The following MAGI2 variants were observed in gnomAD, a reference collection of about 807,000 sequenced individuals.
The protein encoded by MAGI2 is membrane associated guanylate kinase, WW and PDZ domain containing 2, also known as membrane-associated guanylate kinase, WW and PDZ domain-containing protein 2.
In MAGI2, 35 loss-of-function variants were observed where a neutral mutation model predicts 133.3. That is an observed-to-expected ratio of 0.26 (90% CI 0.20 to 0.35). The LOEUF (loss-of-function observed/expected upper bound fraction) is 0.35, where lower values mean the gene tolerates loss of function less well. MAGI2 is among the 10% of genes least tolerant of loss of function. The pLI, the probability that MAGI2 is intolerant of heterozygous loss-of-function variation, is 1.00. For synonymous variants in MAGI2, 729 were observed against 710.6 expected, an observed-to-expected ratio of 1.03 and a Z score of -0.41; for missense variants, 1,636 against 1,863.4, an observed-to-expected ratio of 0.88 and a Z score of 2.25.
intron 1 of MAGI2, among the ~76,000 whole-genome samples, chr7:79,340,103 A>G (rs1840778212): frequency 6.6e-6 from 1 of 151,960 alleles, no homozygotes. Context: ...ATATTTTCAA[A>G]TATTTGTTCT....
intron 2 of MAGI2, among the ~76,000 whole-genome samples, chr7:78,888,331 G>C (rs1227365260): frequency 6.6e-6 from 1 of 152,216 alleles, no homozygotes; most frequent in African/African-American, 2.4e-5. Context: ...AAAGGCAGCA[G>C]AAACCTCTGC....
At chr7:79,119,170 T>G (rs1819664123) in intron 1 of MAGI2, among the ~76,000 whole-genome samples, 1 of 152,184 alleles carries the variant, frequency 6.6e-6, no homozygotes, top group African/African-American at 2.4e-5. Context: ...TCTGTCTGGT[T>G]CACATAATAA....
At chr7:79,413,364 C>A (rs2129172924) in intron 1 of MAGI2, 1 of 152,172 alleles carries the variant, frequency 6.6e-6, no homozygotes, top group South Asian at 2.1e-4. Flanking sequence ...AAGTCCTGCC[C>A]ACTCATATAA....
intron 1 of MAGI2, among the ~76,000 whole-genome samples, chr7:79,168,907 TATATATATATATATATATATATATATA>T (rs1562958596): frequency 0.022 from 223 of 10,206 alleles, 1 homozygote; most frequent in African/African-American, 0.033. Flanking sequence ...TATATATATA[TATATATATATATATATATATATATATA>T]AATTTTTTTT....
intron 2 of MAGI2, among the ~76,000 whole-genome samples, chr7:78,649,236 G>GAAAAAAAGAA (rs1811261346): frequency 1.1e-5 from 1 of 88,188 alleles, no homozygotes; most frequent in Admixed American, 1.3e-4. Context: ...AAAAAAAAAA[G>GAAAAAAAGAA]AAAAAAAAAG....
chr7:78,490,098 A>G, intron 5 of MAGI2: 1 of 453,984 alleles, frequency 2.2e-6, no homozygotes, highest in Non-Finnish European at 3.9e-6. Flanking sequence ...AACCTCATTG[A>G]AAATGCAGAA....
chr7:79,303,818 G>A (rs767619304), intron 1 of MAGI2, among the ~76,000 whole-genome samples: 1 of 152,122 alleles, frequency 6.6e-6, no homozygotes, highest in Non-Finnish European at 1.5e-5. Flanking sequence ...AATTAGGAAC[G>A]ACATTAAGGT....
At position 78,382,686 on chromosome 7, in the gene MAGI2, C is replaced by T. The variant is rs184370535; in HGVS notation, c.1046-13473G>A. On this transcript the variant is annotated intron_variant, in intron 6 of 21. Coordinates refer to ENST00000354212, the MANE Select transcript of MAGI2 (RefSeq NM_012301.4). The stretch of plus-strand genomic sequence containing the variant: ...TTTAAGTACAGTCGCCGTACTCTAT[C>T]GAACACTGAATTTATTCCTTCTATC... 5.3e-5 allele frequency among the ~76,000 whole-genome samples: 8 copies of T among 152,148 alleles called. No homozygotes were observed. The East Asian group carries it at 9.7e-4, about 18-fold the overall frequency.
At chr7:79,055,379 C>A (rs147657946) in intron 1 of MAGI2, among the ~76,000 whole-genome samples, 2 of 151,880 alleles carry the variant, frequency 1.3e-5, no homozygotes, top group African/African-American at 4.8e-5. Context: ...TTCATGAATG[C>A]ATAAGATTCC....
chr7:78,875,650 C>G (rs141118050), intron 2 of MAGI2, among the ~76,000 whole-genome samples: 2 of 152,078 alleles, frequency 1.3e-5, no homozygotes, highest in African/African-American at 4.8e-5. Flanking sequence ...CATATTGCCA[C>G]TATATTATAT....
At chr7:78,856,014 AT>A (rs1369710814) in intron 2 of MAGI2, among the ~76,000 whole-genome samples, 1 of 152,088 alleles carries the variant, frequency 6.6e-6, no homozygotes, top group Non-Finnish European at 1.5e-5. Flanking sequence ...AGTGACAAGC[AT>A]TTTTTCATGT....
intron 1 of MAGI2, among the ~76,000 whole-genome samples, chr7:79,320,367 C>T (rs1839084532): frequency 6.6e-6 from 1 of 152,096 alleles, no homozygotes; most frequent in African/African-American, 2.4e-5. Flanking sequence ...AATTATTAAT[C>T]TAATTTTCTA....
chr7:79,384,888 C>T (rs1023452210), intron 1 of MAGI2, among the ~76,000 whole-genome samples: 1 of 151,640 alleles, frequency 6.6e-6, no homozygotes, highest in Non-Finnish European at 1.5e-5. Context: ...AGATGGAAAT[C>T]TCATTTTTCC....
At chr7:78,477,738 G>T (rs1040993190) in intron 6 of MAGI2, among the ~76,000 whole-genome samples, 4 of 151,920 alleles carry the variant, frequency 2.6e-5, no homozygotes, top group African/African-American at 9.6e-5. Flanking sequence ...ACAATTCAAG[G>T]TGAGATTTGG....
chr7:79,262,742 T>A (rs1834175525), intron 1 of MAGI2, among the ~76,000 whole-genome samples: 1 of 152,220 alleles, frequency 6.6e-6, no homozygotes, highest in Non-Finnish European at 1.5e-5. Flanking sequence ...AACAAAGTTT[T>A]GGGCAAAGCA....
chr7:79,443,597 T>C (rs545394297), intron 1 of MAGI2, among the ~76,000 whole-genome samples: 3 of 152,148 alleles, frequency 2.0e-5, no homozygotes, highest in Non-Finnish European at 2.9e-5. Flanking sequence ...AAAATACTCA[T>C]ATAAGCAAAA....
At position 78,646,218 on chromosome 7, in the gene MAGI2, G is replaced by A. The variant is rs1810878397; in HGVS notation, c.419-18979C>T. Among the ~76,000 whole-genome samples the A allele has an allele frequency of 2.6e-5, 4 of 152,072 alleles. No individual in the cohort carries two copies. In the South Asian group the frequency reaches 8.3e-4, roughly 32 times the overall value. ...AAGTGAAAAGATCTGGGCAAAGATA[G>A]AAAAATATTAAAATTTATTAAATCT... is the stretch of plus-strand genomic sequence containing the variant. On this transcript the variant is annotated intron_variant, in intron 2 of 21. Transcript: ENST00000354212.
chr7:79,095,172 C>G (rs1047706655), intron 1 of MAGI2, among the ~76,000 whole-genome samples: 1 of 152,188 alleles, frequency 6.6e-6, no homozygotes, highest in African/African-American at 2.4e-5. Context: ...CTGCGAACTT[C>G]CAACTTTTCA....
rs532658692 is a variant in MAGI2 at position 79,005,625 on chromosome 7, A to G, written c.418+1465T>C. Among the ~76,000 whole-genome samples the G allele has an allele frequency of 6.2e-4, 95 of 152,306 alleles. No homozygotes were observed. The South Asian group carries it at 6.4e-3, about 10-fold the overall frequency. ...TTCTTATCTATTTTTCTCAGCTTTT[A>G]AACATAATAAACAGCCTGGTTTCTT... is the stretch of plus-strand genomic sequence containing the variant. On this transcript the variant is annotated intron_variant, in intron 2 of 21. Coordinates refer to ENST00000354212, the MANE Select transcript of MAGI2 (RefSeq NM_012301.4).
Sources: gnomAD v4.1 joint callset for allele counts (sites outside exome capture counted in the v4.1 genomes callset) on GRCh38, gnomAD v4.1.1 for gene constraint, MANE v1.5 for transcripts, NCBI Gene and HGNC (gene_info 2026-07-23, HGNC 2026-07-21) for gene names.